Variants in TBCD observed in about 807,000 individuals in gnomAD.
The protein encoded by TBCD is tubulin folding cofactor D, also known as tubulin-specific chaperone D.
In TBCD, 105 loss-of-function variants were observed where a neutral mutation model predicts 169.3. The observed-to-expected ratio is 0.62, with a 90% CI of 0.53 to 0.73. The LOEUF (loss-of-function observed/expected upper bound fraction) is 0.73. Among genes scored for constraint, TBCD ranks in the 30% least tolerant of loss-of-function variants. The probability of loss-of-function intolerance (pLI) is 0.00; values close to 1 mark genes in which losing one functional copy is unlikely to be tolerated. For missense variants in TBCD, 1,444 were observed against 1,600.1 expected, an observed-to-expected ratio of 0.90 and a Z score of 1.66; for synonymous variants, 700 against 643.9, an observed-to-expected ratio of 1.09 and a Z score of -1.32.
At chr17:82,937,545 T>A (rs1443554913) in intron 35 of TBCD, 185 bp downstream of exon 35, 12 of 627,180 alleles carry the variant, frequency 1.9e-5, no homozygotes, top group Non-Finnish European at 3.3e-5. Flanking sequence ...CAGGTGCTGG[T>A]GGAGGGAGTT....
In TBCD at chr17:82,874,115, G is replaced by A. The variant is rs2057797014; in HGVS notation, c.1475+3735G>A. On this transcript the variant is annotated intron_variant, in intron 14 of 38. Coordinates refer to ENST00000355528, the MANE Select transcript of TBCD (RefSeq NM_005993.5). This position sits in a 1 kb window ranked among gnomAD's most constrained non-coding sequence, Gnocchi z 5.0. Reference sequence around the variant, plus strand: ...GGGGTTGAGCCCATCATGCTGTGGGGTGCTCCCTGGGGGTTGTGTGTGTGT... The same window carrying A: ...GGGGTTGAGCCCATCATGCTGTGGGATGCTCCCTGGGGGTTGTGTGTGTGT... 6.6e-6 allele frequency among the ~76,000 whole-genome samples: 1 copy of A among 152,220 alleles called. No homozygotes were observed. Among genetic ancestry groups the A allele is most frequent in the Non-Finnish European group, 1.5e-5 (1 of 68,032 alleles).
intron 7 of TBCD, among the ~76,000 whole-genome samples, chr17:82,784,351 C>T (rs2049153565): frequency 6.6e-6 from 1 of 152,152 alleles, no homozygotes; most frequent in African/African-American, 2.4e-5. Context: ...TCTGTGTCCC[C>T]AGGTGCCCCT....
At chr17:82,827,423 C>G (rs953512755) in intron 13 of TBCD, among the ~76,000 whole-genome samples, 5 of 152,182 alleles carry the variant, frequency 3.3e-5, no homozygotes. Context: ...GAAACCCTTT[C>G]TCAAGCAGAG....
chr17:82,907,544 A>G (rs114632160), intron 20 of TBCD, among the ~76,000 whole-genome samples: 1 of 152,348 alleles, frequency 6.6e-6, no homozygotes, highest in East Asian at 1.9e-4. Context: ...GCAATGTAAA[A>G]CAATACAGTA....
intron 7 of TBCD, 83 bp from the exon 8 acceptor site, chr17:82,797,674 A>T: frequency 9.5e-7 from 1 of 1,048,688 alleles, no homozygotes; most frequent in African/African-American, 1.6e-5. Flanking sequence ...GAAAGATGTG[A>T]TGAATTGTTT....
At chr17:82,893,297 T>G in intron 16 of TBCD, 1 of 513,436 alleles carries the variant, frequency 1.9e-6, no homozygotes, top group Non-Finnish European at 3.4e-6. Context: ...TTTGAGTTGT[T>G]TGAAAAAGAT....
intron 14 of TBCD, among the ~76,000 whole-genome samples, chr17:82,882,838 T>C (rs1037517979): frequency 6.6e-6 from 1 of 152,190 alleles, no homozygotes; most frequent in Admixed American, 6.5e-5. Context: ...CGGGATGTCA[T>C]GTGCATTGTG....
rs1157467279 is a variant in TBCD, at chr17:82,923,597, C to T, written c.2179-55C>T. 2.3e-5 allele frequency: 33 copies of T among 1,438,116 alleles called. No homozygotes were observed. The highest frequency in any genetic ancestry group is 1.6e-4 in the South Asian group (13 of 81,110). The allele number at this position is 1,438,116 out of a possible 1,614,324, so 89.1% of individuals were successfully genotyped here. A position where few individuals can be genotyped will look rare whatever the true frequency, so the allele number is the denominator to read the frequency against. On this transcript the variant is annotated intron_variant, in intron 25 of 38. Coordinates refer to ENST00000355528, the MANE Select transcript of TBCD (RefSeq NM_005993.5). The surrounding 1 kb of genome is among the most constrained non-coding windows in gnomAD (Gnocchi z 4.6). ...CAGAGTGACCTGCTCTGTCCCTGGC[C>T]GGGGGCTTCTCCGAGCAGAGCTGCT...
At position 82,873,047 on chromosome 17, in the gene TBCD, G is replaced by A. The variant is rs764393529; in HGVS notation, c.1475+2667G>A. On this transcript the variant is annotated intron_variant, in intron 14 of 38. Transcript: ENST00000355528. ...GGCAGCAGCTCCCAGGCCCTGGCCC[G>A]GGGCTCAGCGCTGCCTCGTGGCTGA... Among the ~76,000 whole-genome samples the A allele has an allele frequency of 4.6e-5, 7 of 152,362 alleles. No individual in the cohort carries two copies. The East Asian group carries it at 5.8e-4, about 13-fold the overall frequency.
At chr17:82,905,442 C>T (rs1240351333) in intron 19 of TBCD, among the ~76,000 whole-genome samples, 1 of 152,252 alleles carries the variant, frequency 6.6e-6, no homozygotes, top group Non-Finnish European at 1.5e-5. Flanking sequence ...CTGAGGGATG[C>T]CAGTGTGGGC....
intron 13 of TBCD, among the ~76,000 whole-genome samples, chr17:82,816,310 G>C (rs990066847): frequency 2.0e-5 from 3 of 152,138 alleles, no homozygotes; most frequent in Non-Finnish European, 4.4e-5. Context: ...TGTACATCTG[G>C]GTTGTTTCCA....
At position 82,926,456 on chromosome 17, in the gene TBCD, T is replaced by A. The variant is rs558665109; in HGVS notation, c.2436T>A (p.Ala812=). 17 of 1,614,042 alleles carry A rather than the reference T, an allele frequency of 1.1e-5. No individual in the cohort carries two copies. The South Asian group carries it at 1.5e-4, about 15-fold the overall frequency. ...THTSPEDVSF[A]ESRRDGLKAI... ...CTTCCCCCGAGGACGTAAGTTTTGCTGAGTCCAGGAGAGACGGCTTGAAGG... is the reference window on the plus strand; with the variant it reads ...CTTCCCCCGAGGACGTAAGTTTTGCAGAGTCCAGGAGAGACGGCTTGAAGG... Residue 812 remains alanine, a synonymous_variant, in exon 28 of 39, where the codon GCT becomes GCA. Coordinates refer to ENST00000355528, the MANE Select transcript of TBCD (RefSeq NM_005993.5).
At chr17:82,803,133 C>T (rs626637) in intron 9 of TBCD, among the ~76,000 whole-genome samples, 1 of 152,216 alleles carries the variant, frequency 6.6e-6, no homozygotes, top group African/African-American at 2.4e-5. Context: ...GACGGACTTA[C>T]GCTCTGACGG....
At chr17:82,859,490 C>T in intron 13 of TBCD, 1 of 948,498 alleles carries the variant, frequency 1.1e-6, no homozygotes, top group Non-Finnish European at 1.3e-6. Context: ...TACACTCACA[C>T]ACTGGCTTTC....
In TBCD at chr17:82,806,084, A is replaced by T; in HGVS notation, c.1087+73A>T. ...CAATTCCCCTCTACTCCAGGACCAC[A>T]CTTCCTTCTTCCTTGCTGGTGCCGG... On this transcript the variant is annotated intron_variant, in intron 10 of 38. Coordinates refer to ENST00000355528, the MANE Select transcript of TBCD (RefSeq NM_005993.5). This position sits in a 1 kb window ranked among gnomAD's most constrained non-coding sequence, Gnocchi z 5.1. 2.6e-6 allele frequency: 4 copies of T among 1,568,140 alleles called. No homozygotes were observed. In the South Asian group the frequency reaches 4.6e-5, roughly 18 times the overall value.
chr17:82,839,075 A>T (rs1030497788), intron 13 of TBCD: 1 of 752,436 alleles, frequency 1.3e-6, no homozygotes, highest in Non-Finnish European at 1.6e-6. Context: ...CAGAAACTTA[A>T]CCCCTTTGGT....
intron 35 of TBCD, chr17:82,937,704 G>A (rs750956784): frequency 7.1e-5 from 47 of 665,150 alleles, no homozygotes; most frequent in African/African-American, 1.3e-4. Flanking sequence ...CTTGCTCTGC[G>A]GCGCTCAGGT....
intron 33 of TBCD, 23 bp from the exon 34 acceptor site, chr17:82,932,635 C>G: frequency 6.2e-7 from 1 of 1,608,556 alleles, no homozygotes; most frequent in African/African-American, 1.3e-5. Flanking sequence ...TGTCCAGGGT[C>G]TCACAGCTCC....
chr17:82,766,425 T>G, intron 4 of TBCD, 57 bp downstream of exon 4: 2 of 1,303,848 alleles, frequency 1.5e-6, no homozygotes, highest in Non-Finnish European at 2.2e-6. Flanking sequence ...CCTTCCTCCC[T>G]GCTTGCCCCA....
Sources: gnomAD v4.1 joint callset for allele counts (sites outside exome capture counted in the v4.1 genomes callset) on GRCh38, gnomAD v4.1.1 for gene constraint, Gnocchi (gnomAD v3.1) non-coding constraint, MANE v1.5 for transcripts, NCBI Gene and HGNC (gene_info 2026-07-23, HGNC 2026-07-21) for gene names.